Variants in DNAAF9 observed in about 807,000 individuals in gnomAD.
The protein encoded by DNAAF9 is dynein axonemal assembly factor 9.
Under a neutral mutation model 167.0 loss-of-function variants are expected in DNAAF9, and 90 were observed. That is an observed-to-expected ratio of 0.54 (90% CI 0.45 to 0.64). The LOEUF is 0.64. Ranked by LOEUF, DNAAF9 falls within the 30% of genes least tolerant of loss-of-function variation. The pLI, the probability that DNAAF9 is intolerant of heterozygous loss-of-function variation, is 0.00. For synonymous variants in DNAAF9, 491 were observed against 508.8 expected, an observed-to-expected ratio of 0.96 and a Z score of 0.47; for missense variants, 1,315 against 1,442.2, an observed-to-expected ratio of 0.91 and a Z score of 1.43.
chr20:3,303,485 GC>G (rs2069230380), intron 21 of DNAAF9, among the ~76,000 whole-genome samples: 1 of 152,092 alleles, frequency 6.6e-6, no homozygotes, highest in South Asian at 2.1e-4. Context: ...CCAGTACTGT[GC>G]TTTTCATGAT....
intron 21 of DNAAF9, among the ~76,000 whole-genome samples, chr20:3,302,292 G>A (rs1407546758): frequency 6.6e-6 from 1 of 151,940 alleles, no homozygotes; most frequent in African/African-American, 2.4e-5. Context: ...TATTTATGGG[G>A]TATAATATAT....
chr20:3,322,340 A>G, intron 15 of DNAAF9, 78 bp from the exon 16 acceptor site: 1 of 1,147,008 alleles, frequency 8.7e-7, no homozygotes, highest in South Asian at 1.3e-5. Context: ...GCTTTTTTCA[A>G]CTTGGCAATG....
chr20:3,281,774 A>C lies in DNAAF9; in HGVS notation c.2487-8T>G. On this transcript the variant is annotated splice_polypyrimidine_tract_variant and splice_region_variant and intron_variant, in intron 27 of 36. Transcript: ENST00000252032. ...TCAATAACATCTGTGTAGCTGGGGA[A>C]GGTAAAAAAGGAATGATTAGTTCAC... 6.2e-7 allele frequency: 1 copy of C among 1,605,522 alleles called. No homozygotes were observed. The highest frequency in any genetic ancestry group is 2.3e-5 in the East Asian group (1 of 44,240).
Position 3,260,309 on chromosome 20 carries a change from G to A in DNAAF9, c.2874-281C>T, listed in dbSNP as rs182598026. Among the ~76,000 whole-genome samples, 33 of 152,144 alleles carry A rather than the reference G, an allele frequency of 2.2e-4. No individual in the cohort carries two copies. In the East Asian group the frequency reaches 6.0e-3, roughly 28 times the overall value. On this transcript the variant is annotated intron_variant, in intron 31 of 36. Coordinates refer to ENST00000252032, the MANE Select transcript of DNAAF9 (RefSeq NM_001009984.3). The stretch of plus-strand genomic sequence containing the variant: ...AGGCGAGATTGCGCCACTGCAGTCC[G>A]CAGTCCGGCCTGGGCGACAGAGCAA...
In DNAAF9 at chr20:3,321,647, C is replaced by T. The variant is rs146478064; in HGVS notation, c.1356+570G>A. Among the ~76,000 whole-genome samples, 10 of 152,320 alleles carry T rather than the reference C, an allele frequency of 6.6e-5. No individual in the cohort carries two copies. The East Asian group carries it at 1.7e-3, about 26-fold the overall frequency. Reference sequence around the variant, plus strand: ...GCAGTGGTGCAATCACAGTTCACTGCAGTCTCAAACTCCTGGACTCAAGTG... The same window carrying T: ...GCAGTGGTGCAATCACAGTTCACTGTAGTCTCAAACTCCTGGACTCAAGTG... On this transcript the variant is annotated intron_variant, in intron 16 of 36. Coordinates refer to ENST00000252032, the MANE Select transcript of DNAAF9 (RefSeq NM_001009984.3).
Position 3,270,573 on chromosome 20 carries a change from AACCAAGG to A in DNAAF9, c.2651-18_2651-12del. ...CGTTACTCACCAGGCCTGGGAATAA[AACCAAGG>A]ACAGTTTAGCCTTCACAGTCCTGGT... is the stretch of plus-strand genomic sequence containing the variant. On this transcript the variant is annotated splice_polypyrimidine_tract_variant and intron_variant, in intron 29 of 36. Coordinates refer to ENST00000252032, the MANE Select transcript of DNAAF9 (RefSeq NM_001009984.3). The A allele has an allele frequency of 6.2e-7, 1 of 1,611,736 alleles. No individual in the cohort carries two copies. Among genetic ancestry groups the A allele is most frequent in the Non-Finnish European group, 8.5e-7 (1 of 1,179,406 alleles).
chr20:3,316,887 G>GTTA, intron 17 of DNAAF9, 94 bp from the exon 18 acceptor site: 19 of 456,394 alleles, frequency 4.2e-5, no homozygotes, highest in Non-Finnish European at 5.7e-5. Context: ...AGGAGCTAGG[G>GTTA]TTCTTTTTTT....
chr20:3,329,242 C>G (rs1281479488), intron 12 of DNAAF9, among the ~76,000 whole-genome samples: 1 of 151,980 alleles, frequency 6.6e-6, no homozygotes, highest in Non-Finnish European at 1.5e-5. Context: ...TCTCAGCTCA[C>G]TGCAGCCTTG....
chr20:3,368,018 T>C (rs1488666441), intron 6 of DNAAF9, among the ~76,000 whole-genome samples: 1 of 152,138 alleles, frequency 6.6e-6, no homozygotes, highest in Non-Finnish European at 1.5e-5. Context: ...AAACAGGCAC[T>C]GTTCTCAGCC....
rs577849245 is a variant in DNAAF9 at position 3,328,995 on chromosome 20, G to A, written c.1100+1651C>T. On this transcript the variant is annotated intron_variant, in intron 12 of 36. Transcript: ENST00000252032. ...AGCACTTCTCCTGCTTCAGCCTCCT[G>A]AGTAGCTGGGATTACAGGCATGTGC... Among the ~76,000 whole-genome samples, 232 of 151,390 alleles carry A rather than the reference G, an allele frequency of 1.5e-3. 1 individual carries two copies. The highest frequency in any genetic ancestry group is 5.4e-3 in the African/African-American group (222 of 41,230).
At chr20:3,281,884 C>T (rs952713514) in intron 27 of DNAAF9, 118 bp from the exon 28 acceptor site, 38 of 938,718 alleles carry the variant, frequency 4.0e-5, no homozygotes, top group South Asian at 1.2e-4. Flanking sequence ...AGGAAGAGCC[C>T]GCAATCTGGT....
intron 25 of DNAAF9, among the ~76,000 whole-genome samples, chr20:3,291,069 G>A (rs894288795): frequency 1.3e-5 from 2 of 152,090 alleles, no homozygotes; most frequent in Non-Finnish European, 2.9e-5. Flanking sequence ...AATTACAGGC[G>A]TGAGCCACCG....
At chr20:3,291,832 A>T (rs962244531) in intron 25 of DNAAF9, among the ~76,000 whole-genome samples, 1 of 151,984 alleles carries the variant, frequency 6.6e-6, no homozygotes, top group African/African-American at 2.4e-5. Context: ...CAGGGCCTCT[A>T]CACCGTACCC....
In DNAAF9 at chr20:3,393,402, C is replaced by T. The variant is rs539637300; in HGVS notation, c.84-10896G>A. ...AGGGGCATGCCTATGGTCCCAGCTA[C>T]TCAGGAGGCTGAGGTGTGGAGACTG... On this transcript the variant is annotated intron_variant, in intron 1 of 36. Coordinates refer to ENST00000252032, the MANE Select transcript of DNAAF9 (RefSeq NM_001009984.3). Among the ~76,000 whole-genome samples, 6 of 152,108 alleles carry T rather than the reference C, an allele frequency of 3.9e-5. 1 individual carries two copies. In the South Asian group the frequency reaches 1.2e-3, roughly 32 times the overall value.
At chr20:3,362,127 G>A (rs1568628214) in intron 6 of DNAAF9, 3 of 1,385,348 alleles carry the variant, frequency 2.2e-6, no homozygotes, top group African/African-American at 1.4e-5. Flanking sequence ...CTATTTTAAG[G>A]CTGTATATTC....
At chr20:3,358,215 G>A (rs1453831458) in intron 7 of DNAAF9, among the ~76,000 whole-genome samples, 1 of 151,902 alleles carries the variant, frequency 6.6e-6, no homozygotes, top group Non-Finnish European at 1.5e-5. Context: ...TTGAGGGGAA[G>A]TCTATTAACT....
At chr20:3,392,664 A>G (rs762699225) in intron 1 of DNAAF9, among the ~76,000 whole-genome samples, 16 of 152,218 alleles carry the variant, frequency 1.1e-4, no homozygotes, top group Non-Finnish European at 1.9e-4. Context: ...CACTGCTTTT[A>G]TAACAACTGT....
intron 23 of DNAAF9, chr20:3,296,288 C>T (rs993453358): frequency 2.3e-5 from 9 of 388,094 alleles, no homozygotes; most frequent in Non-Finnish European, 3.0e-5. Flanking sequence ...ACAGGTGAGA[C>T]GGGCCCGGCG....
intron 3 of DNAAF9, among the ~76,000 whole-genome samples, chr20:3,379,707 A>C (rs2083621898): frequency 6.6e-6 from 1 of 152,192 alleles, no homozygotes; most frequent in Admixed American, 6.5e-5. Flanking sequence ...ACTTGTATAA[A>C]CAAATTTATT....
Sources: gnomAD v4.1 joint callset for allele counts (sites outside exome capture counted in the v4.1 genomes callset) on GRCh38, gnomAD v4.1.1 for gene constraint, MANE v1.5 for transcripts, NCBI Gene and HGNC (gene_info 2026-07-23, HGNC 2026-07-21) for gene names.